UPF2: variants seen among roughly 807,000 people sequenced by gnomAD.
The protein encoded by UPF2 is regulator of nonsense transcripts 2.
A neutral mutation model predicts 141.4 loss-of-function variants in UPF2; 17 were observed. The observed-to-expected ratio is 0.12, with a 90% confidence interval of 0.08 to 0.18. The LOEUF (loss-of-function observed/expected upper bound fraction) is 0.18. Ranked by LOEUF, UPF2 falls within the 10% of genes least tolerant of loss-of-function variation. The pLI is 1.00. For missense variants in UPF2, 1,152 were observed against 1,515.9 expected, an observed-to-expected ratio of 0.76 and a Z score of 3.99; for synonymous variants, 540 against 498.0, an observed-to-expected ratio of 1.08 and a Z score of -1.12.
chr10:11,939,165 C>CTGGCCAGCA lies in UPF2; in HGVS notation c.3379-2462_3379-2454dup, dbSNP rs939562510. On this transcript the variant is annotated intron_variant, in intron 18 of 21. Coordinates refer to ENST00000357604, the MANE Select transcript of UPF2 (RefSeq NM_015542.4). The surrounding 1 kb of genome is among the most constrained non-coding windows in gnomAD (Gnocchi z 4.8). ...GATTACAGGCATTGAGCCACTGTGC[C>CTGGCCAGCA]TGGCCAGCAAGTTTCTTGTCTTTCC... Among the ~76,000 whole-genome samples, 1 of 152,098 alleles carries CTGGCCAGCA rather than the reference C, an allele frequency of 6.6e-6. No homozygotes were observed. The highest frequency in any genetic ancestry group is 1.5e-5 in the Non-Finnish European group (1 of 68,026).
intron 10 of UPF2, among the ~76,000 whole-genome samples, chr10:11,966,132 G>T (rs1461525985): frequency 2.6e-5 from 4 of 152,104 alleles, no homozygotes; most frequent in Middle Eastern, 3.4e-3. Flanking sequence ...ATAATCCATA[G>T]GCATTTGAAA....
At chr10:12,039,259 A>G (rs1338462239) in intron 1 of UPF2, among the ~76,000 whole-genome samples, 1 of 152,164 alleles carries the variant, frequency 6.6e-6, no homozygotes, top group Non-Finnish European at 1.5e-5. Flanking sequence ...GGGAATCTGA[A>G]CCCATTCTCT....
intron 10 of UPF2, among the ~76,000 whole-genome samples, 182 bp from the exon 11 acceptor site, chr10:11,964,307 T>C (rs1833285146): frequency 6.6e-6 from 1 of 152,220 alleles, no homozygotes; most frequent in Admixed American, 6.5e-5. Context: ...AAAACTTCAA[T>C]ATATTTGACG....
At chr10:12,036,946 ACCCGG>A (rs1228020792) in intron 1 of UPF2, among the ~76,000 whole-genome samples, 1 of 152,036 alleles carries the variant, frequency 6.6e-6, no homozygotes, top group Non-Finnish European at 1.5e-5. Context: ...AATGGCTTGA[ACCCGG>A]GAAGCGGAGG....
intron 21 of UPF2, among the ~76,000 whole-genome samples, chr10:11,924,850 G>A (rs539483315): frequency 3.9e-5 from 6 of 151,958 alleles, no homozygotes; most frequent in East Asian, 1.9e-4. Context: ...ATAGAGTTTC[G>A]CTCTTGTTGC....
At chr10:11,934,553 A>G (rs1002171040) in intron 19 of UPF2, among the ~76,000 whole-genome samples, 2 of 152,152 alleles carry the variant, frequency 1.3e-5, no homozygotes, top group Non-Finnish European at 2.9e-5. Flanking sequence ...TCATGCCGTG[A>G]AGTCTTTGCC....
rs904949736 is a variant in UPF2, at chr10:11,953,404, C to T, written c.2851-1155G>A. On this transcript the variant is annotated intron_variant, in intron 14 of 21. Coordinates refer to ENST00000357604, the MANE Select transcript of UPF2 (RefSeq NM_015542.4). This position sits in a 1 kb window ranked among gnomAD's most constrained non-coding sequence, Gnocchi z 5.0. ...CTCCAGGGGATCCTTTCTTCCTGAC[C>T]TTCTAATACTAAACTGTACACTCCA... is the stretch of plus-strand genomic sequence containing the variant. 2.0e-5 allele frequency among the ~76,000 whole-genome samples: 3 copies of T among 152,158 alleles called. No individual in the cohort carries two copies. The highest frequency in any genetic ancestry group is 2.1e-4 in the South Asian group (1 of 4,822).
chr10:12,028,804 A>C lies in UPF2; in HGVS notation c.1086T>G (p.Ser362=), dbSNP rs761035882. The C allele has an allele frequency of 1.9e-6, 3 of 1,613,844 alleles. No homozygotes were observed. In the African/African-American group the frequency reaches 4.0e-5, roughly 22 times the overall value. ...FQNLLKEYFT[S]LTKHLKRDHR... is the part of the protein sequence containing the mutation. ...GGTCCCTTTTCAGGTGTTTGGTCAA[A>C]GACGTAAAGTACTCTTTTAAAAGAT... The change falls in exon 3 of 22, where the codon TCT becomes TCG. Residue 362 remains serine, a synonymous_variant. Coordinates refer to ENST00000357604, the MANE Select transcript of UPF2 (RefSeq NM_015542.4).
At chr10:11,963,876 T>C in intron 11 of UPF2, 133 bp downstream of exon 11, 1 of 629,694 alleles carries the variant, frequency 1.6e-6, no homozygotes, top group Non-Finnish European at 2.7e-6. Flanking sequence ...ATGTATGGGA[T>C]GTTCCACTTT....
chr10:12,029,226 C>T lies in UPF2; in HGVS notation c.664G>A (p.Ala222Thr). The change falls in exon 3 of 22, where the codon GCT (alanine) becomes ACT (threonine). Residue 222 changes from alanine (A) to threonine (T), a missense_variant. Physicochemically the swap from Ala to Thr is moderately conservative, Grantham distance 58. Coordinates refer to ENST00000357604, the MANE Select transcript of UPF2 (RefSeq NM_015542.4). ...TGAAAGAGAGAGCAGAGGTGCACAG[C>T]ACAGTTCACATCAGAGATTTTTAGT... is the stretch of plus-strand genomic sequence containing the variant. The part of the protein sequence containing the change: ...AKLKISDVNC[A>T]VHLCSLFHQR... 6.2e-7 allele frequency: 1 copy of T among 1,614,142 alleles called. No individual in the cohort carries two copies. The highest frequency in any genetic ancestry group is 8.5e-7 in the Non-Finnish European group (1 of 1,180,030).
intron 2 of UPF2, among the ~76,000 whole-genome samples, chr10:12,034,737 G>A (rs143958338): frequency 0.088 from 13,402 of 152,136 alleles, 782 homozygotes; most frequent in South Asian, 0.13. Flanking sequence ...CCCAGGAGGC[G>A]GAGGTTGGAG....
chr10:11,956,608 G>T lies in UPF2; in HGVS notation c.2371-85C>A. ...AATACAGAAATTTTGCTATGATTGC[G>T]CAGAGAACTTTTGAAATAGAAAATA... is the stretch of plus-strand genomic sequence containing the variant. On this transcript the variant is annotated intron_variant, in intron 12 of 21. Transcript: ENST00000357604. This position sits in a 1 kb window ranked among gnomAD's most constrained non-coding sequence, Gnocchi z 4.2. 7.9e-7 allele frequency: 1 copy of T among 1,270,284 alleles called. No homozygotes were observed. Among genetic ancestry groups the T allele is most frequent in the Non-Finnish European group, 1.1e-6 (1 of 905,650 alleles). The allele number at this position is 1,270,284 out of a possible 1,614,324, so 78.7% of individuals were successfully genotyped here.
At chr10:12,029,594 A>G (rs1222393829) in intron 2 of UPF2, 70 bp from the exon 3 acceptor site, 2 of 1,461,476 alleles carry the variant, frequency 1.4e-6, no homozygotes, top group African/African-American at 2.9e-5. Flanking sequence ...ATCCCCTAAG[A>G]GTAAAAAGCC....
chr10:11,951,182 C>A (rs1833070123), intron 15 of UPF2, among the ~76,000 whole-genome samples: 1 of 152,142 alleles, frequency 6.6e-6, no homozygotes, highest in Non-Finnish European at 1.5e-5. Context: ...CCTGCCTCAG[C>A]CTCCTGAGTA....
rs1271863236 is a variant in UPF2, at chr10:11,939,132, A to C, written c.3379-2420T>G. ...TGATCCTCCCACCTCGGCCTCCCAA[A>C]GTGATGGGATTACAGGCATTGAGCC... is the stretch of plus-strand genomic sequence containing the variant. On this transcript the variant is annotated intron_variant, in intron 18 of 21. Coordinates refer to ENST00000357604, the MANE Select transcript of UPF2 (RefSeq NM_015542.4). This position sits in a 1 kb window ranked among gnomAD's most constrained non-coding sequence, Gnocchi z 4.8. Among the ~76,000 whole-genome samples, 1 of 151,918 alleles carries C rather than the reference A, an allele frequency of 6.6e-6. No individual in the cohort carries two copies. The highest frequency in any genetic ancestry group is 1.5e-5 in the Non-Finnish European group (1 of 67,964).
intron 3 of UPF2, among the ~76,000 whole-genome samples, chr10:12,026,426 T>C (rs956832373): frequency 1.3e-5 from 2 of 152,064 alleles, no homozygotes; most frequent in Admixed American, 1.3e-4. Context: ...TGGAGCAAAC[T>C]GAAAGAACTG....
intron 8 of UPF2, among the ~76,000 whole-genome samples, chr10:11,995,789 A>G (rs1315453183): frequency 6.6e-6 from 1 of 152,132 alleles, no homozygotes; most frequent in Non-Finnish European, 1.5e-5. Context: ...ATCAAAAAAA[A>G]AGAGGTTTTA....
chr10:11,944,376 C>T (rs184270010), intron 16 of UPF2, among the ~76,000 whole-genome samples: 2 of 152,166 alleles, frequency 1.3e-5, no homozygotes, highest in Non-Finnish European at 2.9e-5. Context: ...CACCTGTAAT[C>T]CCAGCTACTC....
intron 2 of UPF2, among the ~76,000 whole-genome samples, chr10:12,030,583 A>G (rs1352882433): frequency 2.6e-5 from 4 of 151,722 alleles, no homozygotes; most frequent in Non-Finnish European, 4.4e-5. Context: ...CTATAAAAGA[A>G]TGCATTAAAA....
Sources: gnomAD v4.1 joint callset for allele counts (sites outside exome capture counted in the v4.1 genomes callset) on GRCh38, gnomAD v4.1.1 for gene constraint, Gnocchi (gnomAD v3.1) non-coding constraint, MANE v1.5 for transcripts, NCBI Gene and HGNC (gene_info 2026-07-23, HGNC 2026-07-21) for gene names.